The following PID1 variants were observed in gnomAD, a reference collection of about 807,000 sequenced individuals.
The protein encoded by PID1 is phosphotyrosine interaction domain containing 1, also known as PTB-containing, cubilin and LRP1-interacting protein.
A neutral mutation model predicts 19.1 loss-of-function variants in PID1; 10 were observed. The ratio of observed to expected loss-of-function variants is 0.52; its 90% confidence interval spans 0.32 to 0.89. The LOEUF is 0.89. PID1 is among the 40% of genes least tolerant of loss of function. The probability of loss-of-function intolerance (pLI) is 0.03; values close to 1 mark genes in which losing one functional copy is unlikely to be tolerated. For missense variants in PID1, 248 were observed against 285.3 expected, an observed-to-expected ratio of 0.87 and a Z score of 0.94; for synonymous variants, 130 against 116.0, an observed-to-expected ratio of 1.12 and a Z score of -0.78.
In PID1 at chr2:229,067,628, T is replaced by C. The variant is rs115097977; in HGVS notation, c.178-41520A>G. Among the ~76,000 whole-genome samples the C allele has an allele frequency of 1.2e-3, 179 of 152,270 alleles. 2 individuals are homozygous for C. The highest frequency in any genetic ancestry group is 4.1e-3 in the African/African-American group (169 of 41,562). On this transcript the variant is annotated intron_variant, in intron 2 of 2. Coordinates refer to ENST00000392055, the MANE Select transcript of PID1 (RefSeq NM_001100818.2). ...TGCCTCCATCCATACTCCTCTGCCC[T>C]GCCCATTACCAATCCTCCATGAAGT...
chr2:229,116,520 A>T (rs1367624781), intron 2 of PID1, among the ~76,000 whole-genome samples: 2 of 152,074 alleles, frequency 1.3e-5, no homozygotes, highest in African/African-American at 4.8e-5. Context: ...GCAGGAGGTA[A>T]CTGAATCATG....
chr2:229,130,913 C>A (rs148564292), intron 2 of PID1, among the ~76,000 whole-genome samples: 1 of 152,188 alleles, frequency 6.6e-6, no homozygotes, highest in Non-Finnish European at 1.5e-5. Context: ...GAGCTCCTGG[C>A]AGTTACTGGC....
At position 229,173,533 on chromosome 2, in the gene PID1, ACT is replaced by A. The variant is rs143102411; in HGVS notation, c.31-17571_31-17570del. ...TCTATTCATTAATCTTCTTATTAAT[ACT>A]GAGTCATGCGCTCTACTGAGTATGC... is the stretch of plus-strand genomic sequence containing the variant. On this transcript the variant is annotated intron_variant, in intron 1 of 2. Transcript: ENST00000392055. 2.6e-3 allele frequency among the ~76,000 whole-genome samples: 402 copies of A among 152,316 alleles called. 4 individuals carry two copies. The highest frequency in any genetic ancestry group is 9.2e-3 in the African/African-American group (383 of 41,562).
intron 1 of PID1, among the ~76,000 whole-genome samples, chr2:229,257,747 G>A (rs1268770507): frequency 1.3e-5 from 2 of 152,152 alleles, no homozygotes; most frequent in Non-Finnish European, 2.9e-5. Context: ...AAACTACTAG[G>A]TTAAAGTCAT....
At chr2:229,051,289 T>C (rs1417850994) in intron 2 of PID1, among the ~76,000 whole-genome samples, 1 of 152,084 alleles carries the variant, frequency 6.6e-6, no homozygotes, top group Non-Finnish European at 1.5e-5. Context: ...CAAAAAAAGC[T>C]TTTGGATCCT....
chr2:229,027,000 G>A (rs1219316350), intron 2 of PID1, among the ~76,000 whole-genome samples: 1 of 152,150 alleles, frequency 6.6e-6, no homozygotes, highest in Non-Finnish European at 1.5e-5. Flanking sequence ...TAAAACTTAA[G>A]AGATCATCTA....
At chr2:229,036,133 C>T (rs1266824167) in intron 2 of PID1, among the ~76,000 whole-genome samples, 5 of 152,180 alleles carry the variant, frequency 3.3e-5, no homozygotes, top group African/African-American at 1.2e-4. Flanking sequence ...CTAGACAACA[C>T]ATGCTAAAAA....
intron 1 of PID1, among the ~76,000 whole-genome samples, chr2:229,234,863 T>C (rs1364610129): frequency 2.0e-5 from 3 of 152,184 alleles, no homozygotes; most frequent in Non-Finnish European, 4.4e-5. Flanking sequence ...GCACCTAGCA[T>C]GGTGCCTGAT....
intron 1 of PID1, among the ~76,000 whole-genome samples, chr2:229,224,769 G>C (rs182933588): frequency 2.7e-4 from 41 of 150,888 alleles, no homozygotes; most frequent in Admixed American, 2.7e-3. Context: ...TAATTAAACT[G>C]TCCTGCTGCC....
intron 1 of PID1, among the ~76,000 whole-genome samples, chr2:229,210,419 A>G (rs1274448104): frequency 3.6e-5 from 4 of 111,306 alleles, no homozygotes; most frequent in Non-Finnish European, 8.0e-5. Flanking sequence ...AGAGTGAGGC[A>G]GGCAGCAGAA....
At chr2:229,207,050 A>T (rs912352099) in intron 1 of PID1, among the ~76,000 whole-genome samples, 12 of 152,200 alleles carry the variant, frequency 7.9e-5, no homozygotes, top group Non-Finnish European at 1.8e-4. Context: ...GTAGACCAAT[A>T]GCTTGGGTCT....
intron 2 of PID1, among the ~76,000 whole-genome samples, chr2:229,101,493 G>A (rs1443775149): frequency 1.3e-5 from 2 of 152,170 alleles, no homozygotes; most frequent in African/African-American, 4.8e-5. Flanking sequence ...TCAACAACAG[G>A]AACTTGCTAA....
chr2:229,143,942 G>T (rs1559254532), intron 2 of PID1, among the ~76,000 whole-genome samples: 1 of 152,062 alleles, frequency 6.6e-6, no homozygotes, highest in Non-Finnish European at 1.5e-5. Flanking sequence ...CCTTATAGCA[G>T]TGTGAAAATG....
intron 1 of PID1, among the ~76,000 whole-genome samples, chr2:229,173,751 C>T (rs2106211678): frequency 6.6e-6 from 1 of 152,358 alleles, no homozygotes; most frequent in East Asian, 1.9e-4. Flanking sequence ...GGCCTCCCCA[C>T]TTCGGTGTGC....
chr2:229,265,643 G>T (rs1690577257), intron 1 of PID1, among the ~76,000 whole-genome samples: 1 of 152,202 alleles, frequency 6.6e-6, no homozygotes. Flanking sequence ...GAAGCACACT[G>T]CAGTCATTGA....
At chr2:229,187,216 G>C (rs186078899) in intron 1 of PID1, among the ~76,000 whole-genome samples, 1 of 152,230 alleles carries the variant, frequency 6.6e-6, no homozygotes, top group Non-Finnish European at 1.5e-5. Flanking sequence ...CCTTCAAACT[G>C]TTCCAACCTC....
intron 1 of PID1, among the ~76,000 whole-genome samples, chr2:229,221,981 G>A (rs886900809): frequency 2.0e-5 from 3 of 152,174 alleles, no homozygotes; most frequent in African/African-American, 7.2e-5. Flanking sequence ...ATTACTAGTT[G>A]AGGTTCTCAC....
intron 2 of PID1, among the ~76,000 whole-genome samples, chr2:229,106,372 A>G (rs1348445994): frequency 2.0e-5 from 3 of 152,210 alleles, no homozygotes; most frequent in East Asian, 3.8e-4. Flanking sequence ...GGGACAAAGC[A>G]TCTCTTACTG....
At chr2:229,162,369 G>T (rs1258301649) in intron 1 of PID1, among the ~76,000 whole-genome samples, 1 of 152,084 alleles carries the variant, frequency 6.6e-6, no homozygotes, top group African/African-American at 2.4e-5. Context: ...TATTGATTTT[G>T]TATCCAAAAT....
Sources: allele counts gnomAD v4.1 joint callset (sites outside exome capture counted in the v4.1 genomes callset), GRCh38; gene constraint gnomAD v4.1.1; transcripts MANE v1.5; gene names NCBI Gene and HGNC (gene_info 2026-07-23, HGNC 2026-07-21).